ZC3H12B: variants seen among roughly 807,000 people sequenced by gnomAD.
ZC3H12B encodes zinc finger CCCH-type containing 12B, also known as probable ribonuclease ZC3H12B.
ZC3H12B carries 7 observed loss-of-function variants against 43.9 expected under a neutral mutation model. The observed-to-expected ratio is 0.16, with a 90% CI of 0.09 to 0.30. ZC3H12B has a LOEUF of 0.30. Ranked by LOEUF, ZC3H12B falls within the 10% of genes least tolerant of loss-of-function variation. The pLI is 1.00. For missense variants in ZC3H12B, 475 were observed against 670.2 expected (o/e 0.71, Z 3.22); for synonymous variants, 222 against 241.7 (o/e 0.92, Z 0.76).
At chrX:65,098,095 C>A in the ZC3H12B span, among the ~76,000 whole-genome samples, 2 of 110,881 alleles carry the variant, frequency 1.8e-5, no homozygotes, top group Non-Finnish European at 3.8e-5. Flanking sequence ...TTGAAAAATG[C>A]CTTTCTTAAA....
the ZC3H12B span, among the ~76,000 whole-genome samples, chrX:65,100,862 C>T: frequency 9.0e-6 from 1 of 111,272 alleles, no homozygotes; most frequent in Non-Finnish European, 1.9e-5. Flanking sequence ...CAAGGCTATT[C>T]AGGACTTGAA....
the ZC3H12B span, among the ~76,000 whole-genome samples, chrX:65,087,773 T>C: frequency 8.9e-6 from 1 of 112,023 alleles, no homozygotes; most frequent in Non-Finnish European, 1.9e-5. Context: ...CAGAAAACTG[T>C]TGTTTATGTC....
the ZC3H12B span, among the ~76,000 whole-genome samples, chrX:65,212,442 A>C: frequency 1.7e-5 from 1 of 59,823 alleles, no homozygotes; most frequent in Non-Finnish European, 2.6e-5. Context: ...TATATATTAT[A>C]TTATATATTA....
the ZC3H12B span, among the ~76,000 whole-genome samples, chrX:65,129,189 GT>G: frequency 1.3e-4 from 14 of 107,026 alleles, no homozygotes; most frequent in Admixed American, 1.4e-3. Flanking sequence ...TATCTATAGT[GT>G]TTTTTGAGTG....
At chrX:65,157,771 T>C in the ZC3H12B span, among the ~76,000 whole-genome samples, 2 of 110,549 alleles carry the variant, frequency 1.8e-5, no homozygotes, top group African/African-American at 3.3e-5. Flanking sequence ...TTTTCTTTTT[T>C]TTATTTTATT....
chrX:65,491,981 G>C (rs1451199972), intron 1 of ZC3H12B, among the ~76,000 whole-genome samples: 1 of 110,362 alleles, frequency 9.1e-6, no homozygotes, highest in Non-Finnish European at 1.9e-5. Flanking sequence ...AAGGCCAAAG[G>C]TGTCTCTGCT....
chrX:65,229,265 G>T, the ZC3H12B span, among the ~76,000 whole-genome samples: 12 of 111,805 alleles, frequency 1.1e-4, no homozygotes, highest in Non-Finnish European at 3.8e-5. Context: ...ACAAACCTGA[G>T]TAAAACAAGC....
At chrX:65,131,541 G>A in the ZC3H12B span, among the ~76,000 whole-genome samples, 3 of 111,344 alleles carry the variant, frequency 2.7e-5, no homozygotes, top group East Asian at 5.7e-4. Flanking sequence ...TTCTAGGGCC[G>A]TTTTTACAGA....
At chrX:65,337,293 C>T in the ZC3H12B span, among the ~76,000 whole-genome samples, 5 of 111,970 alleles carry the variant, frequency 4.5e-5, no homozygotes, top group Admixed American at 1.9e-4. Flanking sequence ...GAGTCCCAAT[C>T]TAGACCCCAT....
chrX:65,211,375 A>T, the ZC3H12B span, among the ~76,000 whole-genome samples: 1 of 108,955 alleles, frequency 9.2e-6, no homozygotes, highest in Non-Finnish European at 1.9e-5. Context: ...TAACATAAAA[A>T]ACCAAAGAGT....
the ZC3H12B span, among the ~76,000 whole-genome samples, chrX:65,214,853 ATAATAATACTTGAAAGTTAAAAATAC>A: frequency 9.0e-6 from 1 of 111,556 alleles, no homozygotes. Context: ...TATATCTTAA[ATAATAATACTTGAAAGTTAAAAATAC>A]TTCTTGATTC....
At chrX:65,305,021 A>T in the ZC3H12B span, among the ~76,000 whole-genome samples, 2 of 112,109 alleles carry the variant, frequency 1.8e-5, no homozygotes, top group African/African-American at 6.5e-5. Flanking sequence ...ATCAATGAAG[A>T]TATGGAGATG....
chrX:65,299,566 A>G, the ZC3H12B span, among the ~76,000 whole-genome samples: 1 of 112,206 alleles, frequency 8.9e-6, no homozygotes. Flanking sequence ...AAATAATAAT[A>G]TAAGCATCAA....
intron 1 of ZC3H12B, among the ~76,000 whole-genome samples, chrX:65,367,244 A>G (rs1488783007): frequency 2.7e-5 from 3 of 111,554 alleles, no homozygotes; most frequent in Non-Finnish European, 3.8e-5. Flanking sequence ...CACAAGACTG[A>G]CTCTTTCATC....
the ZC3H12B span, among the ~76,000 whole-genome samples, chrX:65,252,806 A>T: frequency 2.7e-5 from 3 of 112,323 alleles, no homozygotes; most frequent in African/African-American, 9.7e-5. Flanking sequence ...GAGAAAGTTC[A>T]GAAAAGTACT....
chrX:65,252,636 C>G, the ZC3H12B span, among the ~76,000 whole-genome samples: 1 of 111,643 alleles, frequency 9.0e-6, no homozygotes, highest in Admixed American at 9.5e-5. Context: ...TCTATTGTAG[C>G]CTTTCACCTC....
chrX:65,396,153 T>G (rs923473444), intron 2 of ZC3H12B, among the ~76,000 whole-genome samples: 1 of 111,897 alleles, frequency 8.9e-6, no homozygotes, highest in Non-Finnish European at 1.9e-5. Context: ...TCATGGATTT[T>G]TGAAGGGTTT....
At chrX:65,206,243 C>A in the ZC3H12B span, among the ~76,000 whole-genome samples, 1 of 111,994 alleles carries the variant, frequency 8.9e-6, no homozygotes, top group Non-Finnish European at 1.9e-5. Context: ...GGAGGTATCA[C>A]AGTACCTGAC....
chrX:65,342,923 A>C, the ZC3H12B span, among the ~76,000 whole-genome samples: 1 of 111,030 alleles, frequency 9.0e-6, no homozygotes, highest in Non-Finnish European at 1.9e-5. Flanking sequence ...GACTAGCTAG[A>C]CTAACAAAGA....
Sources: allele counts gnomAD v4.1 joint callset (sites outside exome capture counted in the v4.1 genomes callset), GRCh38; gene constraint gnomAD v4.1.1; transcripts MANE v1.5; gene names NCBI Gene and HGNC (gene_info 2026-07-23, HGNC 2026-07-21).